Variants in PYGL observed in about 807,000 individuals in gnomAD.
PYGL encodes the protein glycogen phosphorylase L.
In PYGL, 90 loss-of-function variants were observed where a neutral mutation model predicts 100.1. That is an observed-to-expected ratio of 0.90 (90% CI 0.76 to 1.07). The LOEUF is 1.07. PYGL is among the 50% of genes least tolerant of loss of function. The pLI is 0.00. For missense variants in PYGL, 1,016 were observed against 1,057.6 expected, an observed-to-expected ratio of 0.96 and a Z score of 0.55; for synonymous variants, 373 against 393.0, an observed-to-expected ratio of 0.95 and a Z score of 0.60.
intron 1 of PYGL, among the ~76,000 whole-genome samples, chr14:50,942,160 A>G (rs1413941449): frequency 6.6e-6 from 1 of 152,050 alleles, no homozygotes; most frequent in Admixed American, 6.6e-5. Flanking sequence ...GACGACTGTG[A>G]TGGAGTAGAT....
At chr14:50,935,616 T>TTG (rs149852026) in intron 2 of PYGL, among the ~76,000 whole-genome samples, 14 of 151,548 alleles carry the variant, frequency 9.2e-5, no homozygotes, top group South Asian at 2.1e-4. Flanking sequence ...TTAAAAAAAA[T>TTG]TGTGTGTGTG....
At chr14:50,933,389 T>C (rs774456670) in intron 3 of PYGL, among the ~76,000 whole-genome samples, 1 of 152,344 alleles carries the variant, frequency 6.6e-6, no homozygotes, top group Non-Finnish European at 1.5e-5. Flanking sequence ...CTGTGACTAA[T>C]GTACTAAGGA....
chr14:50,941,354 T>C (rs766535328), intron 1 of PYGL, among the ~76,000 whole-genome samples: 25 of 152,226 alleles, frequency 1.6e-4, no homozygotes, highest in Non-Finnish European at 3.1e-4. Context: ...TCTGCTATCC[T>C]TATTCAGCCT....
chr14:50,933,306 G>T (rs777203423), intron 3 of PYGL, among the ~76,000 whole-genome samples: 3 of 152,170 alleles, frequency 2.0e-5, no homozygotes, highest in Admixed American at 6.5e-5. Context: ...TAACTTCACA[G>T]GAAGGTGGCA....
chr14:50,911,639 T>G, intron 16 of PYGL, 91 bp downstream of exon 16: 1 of 1,508,688 alleles, frequency 6.6e-7, no homozygotes. Context: ...CCTAAGTTAC[T>G]AGCTCCTGGA....
chr14:50,914,556 C>A (rs2050428035), intron 12 of PYGL, 145 bp downstream of exon 12: 3 of 669,042 alleles, frequency 4.5e-6, no homozygotes, highest in South Asian at 1.5e-5. Context: ...GAGAATTAAA[C>A]CCAGCATGGA....
chr14:50,912,300 T>A lies in PYGL; in HGVS notation c.1624A>T (p.Asn542Tyr), dbSNP rs1243705562. 1 of 1,614,020 alleles carries A rather than the reference T, an allele frequency of 6.2e-7. No homozygotes were observed. The highest frequency in any genetic ancestry group is 1.6e-4 in the Middle Eastern group (1 of 6,062). ...AGGAACTGAGAAAACTTCAGCTTATTCTCCTGTTAAGACAGTGCATGGTGC... is the reference window on the plus strand; with the variant it reads ...AGGAACTGAGAAAACTTCAGCTTATACTCCTGTTAAGACAGTGCATGGTGC... ...LRELAKVKQENKLKFSQFLET... is the reference protein window; with the variant it reads ...LRELAKVKQEYKLKFSQFLET... Residue 542 changes from asparagine (N) to tyrosine (Y), a missense_variant, in exon 14 of 20, where the codon AAT becomes TAT. Asn to Tyr is a moderately radical substitution (Grantham distance 143, BLOSUM62 -2). Coordinates refer to ENST00000216392, the MANE Select transcript of PYGL (RefSeq NM_002863.5).
At position 50,908,924 on chromosome 14, in the gene PYGL, G is replaced by A. The variant is rs759925909; in HGVS notation, c.2209C>T (p.Pro737Ser). ...TGATCAATGACCAGCTTCAGCTCTG[G>A]AAGTGCCTCATAGTATTCTTTTGCC... ...YEAKEYYEAL[P>S]ELKLVIDQID... is the part of the protein sequence containing the mutation. Residue 737 changes from proline to serine, a missense_variant, in exon 18 of 20, where the codon CCA becomes TCA. Physicochemically the swap from Pro to Ser is moderately conservative, Grantham distance 74. Coordinates refer to ENST00000216392, the MANE Select transcript of PYGL (RefSeq NM_002863.5). The A allele has an allele frequency of 4.6e-5, 69 of 1,501,268 alleles. 2 individuals carry two copies. The South Asian group carries it at 7.4e-4, about 16-fold the overall frequency. 93.0% of individuals were successfully genotyped at this position (1,501,268 alleles called of 1,614,324 possible). A position where few individuals can be genotyped will look rare whatever the true frequency, so the allele number is the denominator to read the frequency against.
intron 4 of PYGL, among the ~76,000 whole-genome samples, chr14:50,928,112 A>AGCTGGACTAGGCATTTCT (rs1267207106): frequency 3.9e-5 from 6 of 152,204 alleles, no homozygotes; most frequent in Non-Finnish European, 8.8e-5. Flanking sequence ...TGCAGGTGGC[A>AGCTGGACTAGGCATTTCT]GCTGGACTAG....
intron 19 of PYGL, among the ~76,000 whole-genome samples, chr14:50,906,743 C>G (rs1205957223): frequency 6.6e-6 from 1 of 152,190 alleles, no homozygotes; most frequent in Non-Finnish European, 1.5e-5. Flanking sequence ...GCTTTTCTCT[C>G]CAATGTACAG....
At chr14:50,941,131 C>T (rs1255818378) in intron 1 of PYGL, among the ~76,000 whole-genome samples, 1 of 152,146 alleles carries the variant, frequency 6.6e-6, no homozygotes, top group East Asian at 1.9e-4. Context: ...GGGCAAGATG[C>T]GTTGCTTTAG....
intron 19 of PYGL, among the ~76,000 whole-genome samples, chr14:50,905,949 A>T (rs550100017): frequency 6.6e-6 from 1 of 152,330 alleles, no homozygotes; most frequent in East Asian, 1.9e-4. Context: ...CAAGAGACTT[A>T]TCCTATGGCT....
chr14:50,913,266 C>T (rs2050416419), intron 12 of PYGL, 136 bp from the exon 13 acceptor site: 1 of 735,698 alleles, frequency 1.4e-6, no homozygotes. Context: ...GATAGTTTGA[C>T]TCAAAGAAGA....
At chr14:50,926,596 G>T (rs2050549648) in intron 4 of PYGL, among the ~76,000 whole-genome samples, 1 of 149,598 alleles carries the variant, frequency 6.7e-6, no homozygotes, top group Admixed American at 6.6e-5. Context: ...CATGGTGGCG[G>T]GCACCTGTAA....
chr14:50,939,469 T>G (rs1019867270), intron 1 of PYGL, among the ~76,000 whole-genome samples: 2 of 152,230 alleles, frequency 1.3e-5, no homozygotes, highest in Admixed American at 1.3e-4. Context: ...GACTTAGACA[T>G]TATTTGCCTT....
At chr14:50,912,818 G>A (rs2050411717) in intron 13 of PYGL, among the ~76,000 whole-genome samples, 1 of 152,198 alleles carries the variant, frequency 6.6e-6, no homozygotes, top group East Asian at 1.9e-4. Context: ...GCCGGGCGTG[G>A]TGGCGGGCGC....
rs1451489135 is a variant in PYGL at position 50,937,757 on chromosome 14, G to T, written c.324C>A (p.Ala108=). 5.0e-6 allele frequency: 8 copies of T among 1,613,778 alleles called. No individual in the cohort carries two copies. The highest frequency in any genetic ancestry group is 6.8e-6 in the Non-Finnish European group (8 of 1,179,794). Reference sequence around the variant, plus strand: ...GTACCTGGTAAATGGCCTCATCACAGGCATTTTGCAGACCGAGGTTGATCA... The same window carrying T: ...GTACCTGGTAAATGGCCTCATCACATGCATTTTGCAGACCGAGGTTGATCA... ...NTMINLGLQN[A]CDEAIYQLGL... The change falls in exon 2 of 20, where the codon GCC becomes GCA. Residue 108 remains alanine (A), a synonymous_variant. Coordinates refer to ENST00000216392, the MANE Select transcript of PYGL (RefSeq NM_002863.5).
At position 50,935,129 on chromosome 14, in the gene PYGL, A is replaced by G. The variant is rs768352318; in HGVS notation, c.402T>C (p.Asn134=). ...EEIEEDAGLG[N]GGLGRLAACF... is the part of the protein sequence containing the mutation. ...TACCAGCAAGTCTCCCAAGACCACC[A>G]TTGCCAAGTCCAGCATCTTCTTCAA... The change falls in exon 3 of 20, where the codon AAT becomes AAC. Residue 134 remains asparagine (N), a synonymous_variant. Coordinates refer to ENST00000216392, the MANE Select transcript of PYGL (RefSeq NM_002863.5). 1.8e-5 allele frequency: 29 copies of G among 1,612,524 alleles called. No homozygotes were observed. Among genetic ancestry groups the G allele is most frequent in the Non-Finnish European group, 2.4e-5 (28 of 1,178,630 alleles).
chr14:50,908,494 A>G (rs2050356172), intron 18 of PYGL, among the ~76,000 whole-genome samples, 157 bp from the exon 19 acceptor site: 2 of 152,214 alleles, frequency 1.3e-5, no homozygotes, highest in Admixed American at 6.5e-5. Flanking sequence ...CCAGCCCTCA[A>G]CCTTCTTATG....
Sources: gnomAD v4.1 joint callset for allele counts (sites outside exome capture counted in the v4.1 genomes callset) on GRCh38, gnomAD v4.1.1 for gene constraint, MANE v1.5 for transcripts, NCBI Gene and HGNC (gene_info 2026-07-23, HGNC 2026-07-21) for gene names.